EYS: variants seen among roughly 807,000 people sequenced by gnomAD.
The protein encoded by EYS is protein eyes shut homolog.
EYS carries 250 observed loss-of-function variants against 282.1 expected under a neutral mutation model. The ratio of observed to expected loss-of-function variants is 0.89; its 90% CI spans 0.80 to 0.98. The LOEUF is 0.98. Ranked by LOEUF, EYS falls within the 50% of genes least tolerant of loss-of-function variation. EYS has a pLI of 0.00. For synonymous variants in EYS, 1,355 were observed against 1,282.9 expected, an observed-to-expected ratio of 1.06 and a Z score of -1.20; for missense variants, 4,016 against 3,709.0, an observed-to-expected ratio of 1.08 and a Z score of -2.15.
At chr6:63,937,762 A>C (rs943152186) in intron 35 of EYS, among the ~76,000 whole-genome samples, 1 of 152,156 alleles carries the variant, frequency 6.6e-6, no homozygotes, top group African/African-American at 2.4e-5. Context: ...AAAAAAATGG[A>C]GATCAATACA....
intron 33 of EYS, among the ~76,000 whole-genome samples, chr6:64,009,327 A>G (rs1374130902): frequency 3.3e-5 from 5 of 150,302 alleles, no homozygotes; most frequent in Non-Finnish European, 5.9e-5. Flanking sequence ...TCTGTCACCC[A>G]GGCTGGAGTG....
At chr6:65,437,954 C>G (rs1413096701) in intron 5 of EYS, among the ~76,000 whole-genome samples, 1 of 151,282 alleles carries the variant, frequency 6.6e-6, no homozygotes, top group African/African-American at 2.4e-5. Context: ...TGTGCTGCAC[C>G]CATTAACTCA....
rs985934502 is a variant in EYS, at chr6:64,066,319, C to T, written c.6725+19G>A. 26 of 1,530,814 alleles carry T rather than the reference C, an allele frequency of 1.7e-5. No homozygotes were observed. Among genetic ancestry groups the T allele is most frequent in the African/African-American group, 1.5e-4 (11 of 71,750 alleles). 94.8% of individuals were successfully genotyped at this position (1,530,814 alleles called of 1,614,324 possible). On this transcript the variant is annotated intron_variant, in intron 33 of 42. Coordinates refer to ENST00000503581, the MANE Select transcript of EYS (RefSeq NM_001142800.2). ...CAAAATTTCAGCACGAAAGAACTAC[C>T]GTGGAGTACAGTACTTACCGTATTG...
chr6:64,585,438 C>A (rs141476676), intron 26 of EYS, among the ~76,000 whole-genome samples: 1 of 152,202 alleles, frequency 6.6e-6, no homozygotes, highest in African/African-American at 2.4e-5. Flanking sequence ...TGTAACGAAC[C>A]TGCACACATA....
At chr6:65,561,539 T>G (rs919962155) in intron 2 of EYS, among the ~76,000 whole-genome samples, 12 of 152,144 alleles carry the variant, frequency 7.9e-5, no homozygotes, top group Non-Finnish European at 4.4e-5. Context: ...GTGTGTCTCA[T>G]TTTGCTTTTC....
intron 29 of EYS, among the ~76,000 whole-genome samples, chr6:64,363,008 T>C (rs1373375818): frequency 6.6e-6 from 1 of 151,574 alleles, no homozygotes; most frequent in Non-Finnish European, 1.5e-5. Context: ...TTTCTTTTTT[T>C]TTTGTGCAGT....
chr6:63,737,581 A>G (rs1303055799), intron 41 of EYS, among the ~76,000 whole-genome samples: 2 of 152,060 alleles, frequency 1.3e-5, no homozygotes, highest in Admixed American at 6.6e-5. Flanking sequence ...CGGCTTTGGT[A>G]TCAGGATGAT....
intron 33 of EYS, among the ~76,000 whole-genome samples, chr6:64,026,529 A>G (rs1769522538): frequency 6.6e-6 from 1 of 152,158 alleles, no homozygotes; most frequent in African/African-American, 2.4e-5. Flanking sequence ...GGGAAGCACA[A>G]ATTACAATAC....
chr6:65,157,687 A>G (rs1440859754), intron 12 of EYS, among the ~76,000 whole-genome samples: 2 of 150,776 alleles, frequency 1.3e-5, no homozygotes, highest in African/African-American at 4.8e-5. Flanking sequence ...ATTTCTTAAA[A>G]TATTATATCT....
At chr6:65,391,215 C>A (rs181216189) in intron 7 of EYS, among the ~76,000 whole-genome samples, 1 of 152,030 alleles carries the variant, frequency 6.6e-6, no homozygotes, top group Non-Finnish European at 1.5e-5. Context: ...TTACAGGATA[C>A]CTCCTGTCCC....
At chr6:64,342,020 G>T (rs904364278) in intron 29 of EYS, among the ~76,000 whole-genome samples, 1 of 151,560 alleles carries the variant, frequency 6.6e-6, no homozygotes, top group Non-Finnish European at 1.5e-5. Flanking sequence ...GGAAATGGGT[G>T]GAGGTCACAA....
At chr6:64,993,275 A>G (rs987181874) in intron 14 of EYS, among the ~76,000 whole-genome samples, 1 of 151,860 alleles carries the variant, frequency 6.6e-6, no homozygotes, top group Non-Finnish European at 1.5e-5. Flanking sequence ...GAATAGTGCC[A>G]CAATAAACAT....
At chr6:65,309,046 A>G (rs968915820) in intron 11 of EYS, among the ~76,000 whole-genome samples, 10 of 152,150 alleles carry the variant, frequency 6.6e-5, no homozygotes, top group Non-Finnish European at 1.5e-4. Context: ...TGAGAATTGC[A>G]TGGTATTAAA....
intron 26 of EYS, among the ~76,000 whole-genome samples, chr6:64,457,286 G>A (rs1024607607): frequency 6.6e-6 from 1 of 151,918 alleles, no homozygotes; most frequent in Non-Finnish European, 1.5e-5. Flanking sequence ...TTTTATATAT[G>A]ATCTATCCTA....
At chr6:64,581,085 C>A (rs1012657810) in intron 26 of EYS, among the ~76,000 whole-genome samples, 1 of 152,038 alleles carries the variant, frequency 6.6e-6, no homozygotes, top group East Asian at 1.9e-4. Context: ...GTATATATCT[C>A]TGCAGATATT....
chr6:65,036,712 A>T (rs1392928599), intron 13 of EYS, among the ~76,000 whole-genome samples: 1 of 151,856 alleles, frequency 6.6e-6, no homozygotes, highest in Non-Finnish European at 1.5e-5. Context: ...TATAAAAAAA[A>T]GTTCATCACT....
chr6:65,226,520 A>G (rs1766630089), intron 12 of EYS, among the ~76,000 whole-genome samples: 1 of 152,182 alleles, frequency 6.6e-6, no homozygotes, highest in African/African-American at 2.4e-5. Context: ...ACATAAAAAT[A>G]TACCCAATAT....
chr6:64,469,867 C>T (rs931402018), intron 26 of EYS, among the ~76,000 whole-genome samples: 1 of 152,154 alleles, frequency 6.6e-6, no homozygotes, highest in African/African-American at 2.4e-5. Flanking sequence ...CACGTTCCAT[C>T]CTGTACACCT....
intron 37 of EYS, among the ~76,000 whole-genome samples, chr6:63,801,661 C>T (rs920781742): frequency 1.3e-5 from 2 of 152,088 alleles, no homozygotes; most frequent in Non-Finnish European, 2.9e-5. Flanking sequence ...AAGAAAACAC[C>T]AAATATGACT....
Sources: gnomAD v4.1 joint callset for allele counts (sites outside exome capture counted in the v4.1 genomes callset) on GRCh38, gnomAD v4.1.1 for gene constraint, MANE v1.5 for transcripts, NCBI Gene and HGNC (gene_info 2026-07-23, HGNC 2026-07-21) for gene names.